Variants in RFTN1 observed in about 807,000 individuals in gnomAD.
RFTN1 encodes the protein raftlin.
RFTN1 carries 26 observed loss-of-function variants against 46.5 expected under a neutral mutation model. The ratio of observed to expected loss-of-function variants is 0.56; its 90% CI spans 0.41 to 0.78. The LOEUF (loss-of-function observed/expected upper bound fraction) is 0.78, where lower values mean the gene tolerates loss of function less well. Among genes scored for constraint, RFTN1 ranks in the 30% least tolerant of loss-of-function variants. RFTN1 has a pLI of 0.00. For synonymous variants in RFTN1, 261 were observed against 284.2 expected, an observed-to-expected ratio of 0.92 and a Z score of 0.82; for missense variants, 693 against 718.7, an observed-to-expected ratio of 0.96 and a Z score of 0.41.
In RFTN1 at chr3:16,316,330, T is replaced by G; in HGVS notation, c.*498A>C. On this transcript the variant is annotated 3_prime_UTR_variant, in exon 10 of 10. Coordinates refer to ENST00000334133, the MANE Select transcript of RFTN1 (RefSeq NM_015150.2). The surrounding 1 kb of genome is among the most constrained non-coding windows in gnomAD (Gnocchi z 4.5). Reference sequence around the variant, plus strand: ...CATTTTCTTTGTCAAAGCAGAAGAGTCGAAGGGGTTTAGGTGGAGGAGGGC... The same window carrying G: ...CATTTTCTTTGTCAAAGCAGAAGAGGCGAAGGGGTTTAGGTGGAGGAGGGC... The G allele has an allele frequency of 1.2e-5, 2 of 163,032 alleles. No individual in the cohort carries two copies. The highest frequency in any genetic ancestry group is 1.3e-5 in the Non-Finnish European group (1 of 76,206). 10.1% of individuals were successfully genotyped at this position (163,032 alleles called of 1,614,324 possible).
intron 7 of RFTN1, among the ~76,000 whole-genome samples, chr3:16,354,521 T>C (rs976606316): frequency 6.6e-6 from 1 of 152,218 alleles, no homozygotes; most frequent in African/African-American, 2.4e-5. Flanking sequence ...CCCCAGGCAT[T>C]GACACTCCAG....
rs1257327296 is a variant in RFTN1 at position 16,466,481 on chromosome 3, A to G, written c.145+27244T>C. Among the ~76,000 whole-genome samples, 1 of 152,206 alleles carries G rather than the reference A, an allele frequency of 6.6e-6. No individual in the cohort carries two copies. The highest frequency in any genetic ancestry group is 1.9e-4 in the East Asian group (1 of 5,202). ...CAACTGGTGGTTCATGAAGCTCAGAAAAAGATGCAGAGGATTCCTTCTGTT... is the reference window on the plus strand; with the variant it reads ...CAACTGGTGGTTCATGAAGCTCAGAGAAAGATGCAGAGGATTCCTTCTGTT... On this transcript the variant is annotated intron_variant, in intron 2 of 9. Transcript: ENST00000334133. The surrounding 1 kb of genome is among the most constrained non-coding windows in gnomAD (Gnocchi z 5.6).
In RFTN1 at chr3:16,453,379, GCT is replaced by G; in HGVS notation, c.146-19344_146-19343del. Among the ~76,000 whole-genome samples the G allele has an allele frequency of 1.3e-5, 2 of 152,320 alleles. 1 individual carries two copies. Among genetic ancestry groups the G allele is most frequent in the African/African-American group, 4.8e-5 (2 of 41,574 alleles). On this transcript the variant is annotated intron_variant, in intron 2 of 9. Transcript: ENST00000334133. ...AGACACCCTCAGATCCCAATCCTATGCTTTTTCTACTATACCACAGTAGTGCA... is the reference window on the plus strand; with the variant it reads ...AGACACCCTCAGATCCCAATCCTATGTTTTCTACTATACCACAGTAGTGCA...
rs144857195 is a variant in RFTN1, at chr3:16,481,529, A to G, written c.145+12196T>C. Among the ~76,000 whole-genome samples the G allele has an allele frequency of 3.7e-4, 56 of 152,320 alleles. No homozygotes were observed. In the East Asian group the frequency reaches 0.011, roughly 29 times the overall value. ...CAAAAACAAAAACCAACTCTTAGCA[A>G]TTATAGAAACCGGAAACAAAAATGA... On this transcript the variant is annotated intron_variant, in intron 2 of 9. Transcript: ENST00000334133. This position sits in a 1 kb window ranked among gnomAD's most constrained non-coding sequence, Gnocchi z 5.1.
At chr3:16,464,980 T>C (rs542194905) in intron 2 of RFTN1, among the ~76,000 whole-genome samples, 1 of 152,232 alleles carries the variant, frequency 6.6e-6, no homozygotes, top group Non-Finnish European at 1.5e-5. Flanking sequence ...CCCACTCTTC[T>C]AATTTGCTTC....
chr3:16,492,572 T>G (rs2076554780), intron 2 of RFTN1, among the ~76,000 whole-genome samples: 1 of 152,204 alleles, frequency 6.6e-6, no homozygotes, highest in South Asian at 2.1e-4. Context: ...CCACTCATTC[T>G]CCTTTCTGAT....
Position 16,481,699 on chromosome 3 carries a change from A to G in RFTN1, c.145+12026T>C, listed in dbSNP as rs1190602215. Among the ~76,000 whole-genome samples, 2 of 152,250 alleles carry G rather than the reference A, an allele frequency of 1.3e-5. No individual in the cohort carries two copies. The highest frequency in any genetic ancestry group is 2.9e-5 in the Non-Finnish European group (2 of 68,054). Reference sequence around the variant, plus strand: ...TGAACAGTGAAAAGAAACAGAAGCCAAAAGTGGGTCAGGAGAAACTGTTTA... The same window carrying G: ...TGAACAGTGAAAAGAAACAGAAGCCGAAAGTGGGTCAGGAGAAACTGTTTA... On this transcript the variant is annotated intron_variant, in intron 2 of 9. Coordinates refer to ENST00000334133, the MANE Select transcript of RFTN1 (RefSeq NM_015150.2). The surrounding 1 kb of genome is among the most constrained non-coding windows in gnomAD (Gnocchi z 5.1).
Position 16,317,099 on chromosome 3 carries a change from C to T in RFTN1, c.1466G>A (p.Gly489Glu), listed in dbSNP as rs2068485747. The change falls in exon 10 of 10, where the codon GGA (glycine) becomes GAA (glutamate). Residue 489 changes from glycine to glutamate, a missense_variant. Gly to Glu is a moderately conservative substitution (Grantham distance 98). Coordinates refer to ENST00000334133, the MANE Select transcript of RFTN1 (RefSeq NM_015150.2). The surrounding 1 kb of genome is among the most constrained non-coding windows in gnomAD (Gnocchi z 4.3). ...TCCTGAAACACAGTTTCCCATGTCT[C>T]CAGCTTTGGAAGACTGGTCTTCTAA... Reference protein sequence around the residue: ...KNLEDQSSKAGDMGNCVSGQQ... With the variant: ...KNLEDQSSKAEDMGNCVSGQQ... The T allele has an allele frequency of 1.2e-6, 2 of 1,613,820 alleles. No homozygotes were observed. The highest frequency in any genetic ancestry group is 2.2e-5 in the East Asian group (1 of 44,858).
Position 16,432,932 on chromosome 3 carries a change from C to T in RFTN1, c.332+919G>A, listed in dbSNP as rs558273570. ...CAGTCTTAGACACGCAACCTCATGC[C>T]TCACAGCTGTCCCTTATGAGCACAC... On this transcript the variant is annotated intron_variant, in intron 3 of 9. Transcript: ENST00000334133. Among the ~76,000 whole-genome samples the T allele has an allele frequency of 3.3e-5, 5 of 152,298 alleles. No homozygotes were observed. The East Asian group carries it at 5.8e-4, about 18-fold the overall frequency.
At position 16,327,137 on chromosome 3, in the gene RFTN1, G is replaced by A. The variant is rs1366894023; in HGVS notation, c.1147-261C>T. Among the ~76,000 whole-genome samples the A allele has an allele frequency of 6.6e-6, 1 of 152,182 alleles. No homozygotes were observed. Among genetic ancestry groups the A allele is most frequent in the Non-Finnish European group, 1.5e-5 (1 of 68,032 alleles). ...GCCAAAAGATTAATCCATTAATTTTGTTTGATTCTTGTCTGGACAAATAGC... is the reference window on the plus strand; with the variant it reads ...GCCAAAAGATTAATCCATTAATTTTATTTGATTCTTGTCTGGACAAATAGC... On this transcript the variant is annotated intron_variant, in intron 7 of 9. Transcript: ENST00000334133. The surrounding 1 kb of genome is among the most constrained non-coding windows in gnomAD (Gnocchi z 4.2).
At chr3:16,386,902 G>A (rs1328381561) in intron 4 of RFTN1, among the ~76,000 whole-genome samples, 2 of 152,150 alleles carry the variant, frequency 1.3e-5, no homozygotes, top group Non-Finnish European at 2.9e-5. Flanking sequence ...AAAAAGTAGA[G>A]GCAGCAGTCT....
chr3:16,434,502 C>G (rs2125497561), intron 2 of RFTN1, among the ~76,000 whole-genome samples: 1 of 152,128 alleles, frequency 6.6e-6, no homozygotes, highest in East Asian at 1.9e-4. Flanking sequence ...TTGCAGTGAG[C>G]CATGATAGGG....
At chr3:16,369,422 A>G (rs1368696343) in intron 6 of RFTN1, among the ~76,000 whole-genome samples, 1 of 152,234 alleles carries the variant, frequency 6.6e-6, no homozygotes, top group Admixed American at 6.5e-5. Context: ...CCCAGACTTG[A>G]CACACCCTGG....
In RFTN1 at chr3:16,338,967, C is replaced by A. The variant is rs1272428833; in HGVS notation, c.1147-12091G>T. ...CTTACTGATAATCATAAAATGCAAACCCAGAAGAGGTCTCTGAATAAAGGT... is the reference window on the plus strand; with the variant it reads ...CTTACTGATAATCATAAAATGCAAAACCAGAAGAGGTCTCTGAATAAAGGT... On this transcript the variant is annotated intron_variant, in intron 7 of 9. Coordinates refer to ENST00000334133, the MANE Select transcript of RFTN1 (RefSeq NM_015150.2). The surrounding 1 kb of genome is among the most constrained non-coding windows in gnomAD (Gnocchi z 5.3). Among the ~76,000 whole-genome samples, 1 of 152,098 alleles carries A rather than the reference C, an allele frequency of 6.6e-6. No individual in the cohort carries two copies. Among genetic ancestry groups the A allele is most frequent in the Non-Finnish European group, 1.5e-5 (1 of 68,020 alleles).
In RFTN1 at chr3:16,405,867, C is replaced by T. The variant is rs545554978; in HGVS notation, c.441+3508G>A. ...AAGATCAATCTACTTGTCATAGGAA[C>T]GGGAGCCATTATTTCACACAAAATA... On this transcript the variant is annotated intron_variant, in intron 4 of 9. Coordinates refer to ENST00000334133, the MANE Select transcript of RFTN1 (RefSeq NM_015150.2). Among the ~76,000 whole-genome samples, 30 of 152,190 alleles carry T rather than the reference C, an allele frequency of 2.0e-4. No homozygotes were observed. The East Asian group carries it at 2.5e-3, about 13-fold the overall frequency.
chr3:16,505,764 A>G (rs1234788279), intron 1 of RFTN1, among the ~76,000 whole-genome samples: 1 of 152,190 alleles, frequency 6.6e-6, no homozygotes, highest in African/African-American at 2.4e-5. Flanking sequence ...CAATACCCAG[A>G]CTGGTGTTTG....
chr3:16,323,524 G>A, intron 8 of RFTN1, 67 bp from the exon 9 acceptor site: 1 of 1,130,386 alleles, frequency 8.8e-7, no homozygotes, highest in East Asian at 2.3e-5. Flanking sequence ...TGACACAGAT[G>A]TTGCCATCCC....
At position 16,336,804 on chromosome 3, in the gene RFTN1, A is replaced by G. The variant is rs576386274; in HGVS notation, c.1147-9928T>C. Among the ~76,000 whole-genome samples the G allele has an allele frequency of 6.6e-6, 1 of 152,178 alleles. No homozygotes were observed. The highest frequency in any genetic ancestry group is 2.4e-5 in the African/African-American group (1 of 41,446). ...TTCACATCTTTGTCTCATTTTCTCTACCAGGTAAGAAAGGCAGCAAACTCA... is the reference window on the plus strand; with the variant it reads ...TTCACATCTTTGTCTCATTTTCTCTGCCAGGTAAGAAAGGCAGCAAACTCA... On this transcript the variant is annotated intron_variant, in intron 7 of 9. Coordinates refer to ENST00000334133, the MANE Select transcript of RFTN1 (RefSeq NM_015150.2). The surrounding 1 kb of genome is among the most constrained non-coding windows in gnomAD (Gnocchi z 6.0).
chr3:16,456,377 C>G (rs532213831), intron 2 of RFTN1, among the ~76,000 whole-genome samples: 182 of 152,246 alleles, frequency 1.2e-3, no homozygotes, highest in South Asian at 2.3e-3. Context: ...ATAAGGTACT[C>G]CAGCCTCTGG....
Sources: allele counts gnomAD v4.1 joint callset (sites outside exome capture counted in the v4.1 genomes callset), GRCh38; gene constraint gnomAD v4.1.1; non-coding constraint Gnocchi (gnomAD v3.1); transcripts MANE v1.5; gene names NCBI Gene and HGNC (gene_info 2026-07-23, HGNC 2026-07-21).